The following STARD13 variants were observed in gnomAD, a reference collection of about 807,000 sequenced individuals.
STARD13 encodes the protein StAR related lipid transfer domain containing 13, also known as stAR-related lipid transfer protein 13.
STARD13 carries 62 observed loss-of-function variants against 106.4 expected under a neutral mutation model. The ratio of observed to expected loss-of-function variants is 0.58; its 90% CI spans 0.48 to 0.72. STARD13 has a LOEUF of 0.72. STARD13 is among the 30% of genes least tolerant of loss of function. The pLI is 0.00. For missense variants in STARD13, 1,387 were observed against 1,424.0 expected (o/e 0.97, Z 0.42); for synonymous variants, 565 against 553.0 (o/e 1.02, Z -0.31).
the STARD13 span, among the ~76,000 whole-genome samples, chr13:33,655,439 G>A: frequency 6.6e-6 from 1 of 152,092 alleles, no homozygotes; most frequent in African/African-American, 2.4e-5. Context: ...CATAATAAAC[G>A]GTGACTTTGT....
intron 1 of STARD13, among the ~76,000 whole-genome samples, chr13:33,316,356 T>C (rs913056978): frequency 6.6e-6 from 1 of 152,232 alleles, no homozygotes; most frequent in African/African-American, 2.4e-5. Context: ...ACAAAGCCTA[T>C]GGATTCATCT....
the STARD13 span, among the ~76,000 whole-genome samples, chr13:33,665,596 T>C: frequency 6.6e-6 from 1 of 152,240 alleles, no homozygotes; most frequent in Non-Finnish European, 1.5e-5. Flanking sequence ...CAATGCCTAA[T>C]AGGATTATTT....
chr13:33,255,236 G>A (rs1281304911), intron 1 of STARD13, among the ~76,000 whole-genome samples: 2 of 152,134 alleles, frequency 1.3e-5, no homozygotes, highest in East Asian at 3.9e-4. Context: ...TCATACAGAT[G>A]TGTAAGCTGA....
At chr13:33,257,015 A>G (rs1413567484) in intron 1 of STARD13, among the ~76,000 whole-genome samples, 1 of 152,218 alleles carries the variant, frequency 6.6e-6, no homozygotes, top group Non-Finnish European at 1.5e-5. Context: ...GAAGATAGGC[A>G]GAGCAAATGA....
At chr13:33,168,247 C>T (rs923048921) in intron 1 of STARD13, among the ~76,000 whole-genome samples, 5 of 151,982 alleles carry the variant, frequency 3.3e-5, no homozygotes, top group African/African-American at 1.2e-4. Flanking sequence ...CTGTAGAGTG[C>T]GGCATAGAAG....
the STARD13 span, among the ~76,000 whole-genome samples, chr13:33,577,483 A>C: frequency 2.6e-5 from 4 of 152,216 alleles, no homozygotes; most frequent in African/African-American, 9.6e-5. Flanking sequence ...ATTAATAACC[A>C]ATAATGCTAT....
intron 1 of STARD13, among the ~76,000 whole-genome samples, chr13:33,202,212 C>T (rs769345051): frequency 6.6e-6 from 1 of 152,152 alleles, no homozygotes; most frequent in Non-Finnish European, 1.5e-5. Context: ...AGTTACCTAA[C>T]TATGATTAGT....
At chr13:33,415,322 T>C in the STARD13 span, among the ~76,000 whole-genome samples, 6 of 152,062 alleles carry the variant, frequency 3.9e-5, no homozygotes, top group African/African-American at 9.7e-5. Context: ...GAGCTGAGAT[T>C]GCGCCACTGC....
the STARD13 span, among the ~76,000 whole-genome samples, chr13:33,605,700 G>A: frequency 6.6e-6 from 1 of 152,204 alleles, no homozygotes; most frequent in East Asian, 1.9e-4. Flanking sequence ...ATAGAGTACT[G>A]TGCATAATAT....
At chr13:33,256,847 A>G (rs139471031) in intron 1 of STARD13, among the ~76,000 whole-genome samples, 2 of 152,386 alleles carry the variant, frequency 1.3e-5, no homozygotes, top group East Asian at 3.9e-4. Flanking sequence ...AAATTTTTAA[A>G]GTTGAAAGTA....
the STARD13 span, among the ~76,000 whole-genome samples, chr13:33,463,452 C>A: frequency 6.6e-6 from 1 of 152,226 alleles, no homozygotes; most frequent in Non-Finnish European, 1.5e-5. Flanking sequence ...GTAATGGAAA[C>A]TGACATTGCG....
chr13:33,428,935 T>C, the STARD13 span, among the ~76,000 whole-genome samples: 1 of 152,176 alleles, frequency 6.6e-6, no homozygotes, highest in African/African-American at 2.4e-5. Context: ...CTCATCCTCA[T>C]TGCTCATCAG....
the STARD13 span, among the ~76,000 whole-genome samples, chr13:33,399,872 G>A: frequency 6.6e-6 from 1 of 152,130 alleles, no homozygotes; most frequent in Admixed American, 6.6e-5. Context: ...GATTGAGGGG[G>A]CAATGACGGC....
chr13:33,183,015 C>T (rs1414465702), intron 1 of STARD13, among the ~76,000 whole-genome samples: 2 of 152,236 alleles, frequency 1.3e-5, no homozygotes, highest in Non-Finnish European at 2.9e-5. Context: ...ACTGTTTCCT[C>T]TCCATCTGTC....
chr13:33,500,050 G>A, the STARD13 span, among the ~76,000 whole-genome samples: 3 of 151,956 alleles, frequency 2.0e-5, no homozygotes, highest in South Asian at 4.2e-4. Flanking sequence ...GCCTGGCCAC[G>A]CTTCCTCTTC....
the STARD13 span, among the ~76,000 whole-genome samples, chr13:33,446,731 T>G: frequency 6.6e-6 from 1 of 152,184 alleles, no homozygotes; most frequent in Non-Finnish European, 1.5e-5. Context: ...TTTTAGACAT[T>G]TAATCTAATG....
chr13:33,495,922 T>C, the STARD13 span, among the ~76,000 whole-genome samples: 2 of 144,122 alleles, frequency 1.4e-5, no homozygotes, highest in Admixed American at 1.4e-4. Context: ...TATATAGTTA[T>C]ATATTATTGT....
chr13:33,632,252 C>G, the STARD13 span, among the ~76,000 whole-genome samples: 9 of 152,240 alleles, frequency 5.9e-5, no homozygotes, highest in East Asian at 1.7e-3. Context: ...TGAGCCATTC[C>G]TCTTGCTTGC....
chr13:33,519,205 ATTTTTTCTT>A, the STARD13 span, among the ~76,000 whole-genome samples: 132 of 86,900 alleles, frequency 1.5e-3, 1 homozygote, highest in African/African-American at 5.3e-3. Flanking sequence ...CCTCTTGGTA[ATTTTTTCTT>A]TCTTTCTTTC....
Sources: allele counts gnomAD v4.1 joint callset (sites outside exome capture counted in the v4.1 genomes callset), GRCh38; gene constraint gnomAD v4.1.1; transcripts MANE v1.5; gene names NCBI Gene and HGNC (gene_info 2026-07-23, HGNC 2026-07-21).